Variants in SNTG2 observed in about 807,000 individuals in gnomAD.
The protein encoded by SNTG2 is syntrophin gamma 2.
SNTG2 carries 74 observed loss-of-function variants against 70.9 expected under a neutral mutation model. That is an observed-to-expected ratio of 1.04 (90% CI 0.86 to 1.27). SNTG2 has a LOEUF of 1.27. SNTG2 is among the 50% of genes most tolerant of loss of function. The pLI is 0.00. For synonymous variants in SNTG2, 278 were observed against 273.8 expected, an observed-to-expected ratio of 1.02 and a Z score of -0.15; for missense variants, 717 against 690.7, an observed-to-expected ratio of 1.04 and a Z score of -0.43.
intron 15 of SNTG2, among the ~76,000 whole-genome samples, chr2:1,313,905 G>C (rs962962459): frequency 1.1e-4 from 16 of 152,168 alleles, no homozygotes; most frequent in African/African-American, 3.6e-4. Context: ...GCCTCATGAG[G>C]AAGGGTTATT....
chr2:1,177,564 T>C (rs1199910689), intron 8 of SNTG2, among the ~76,000 whole-genome samples: 3 of 151,688 alleles, frequency 2.0e-5, no homozygotes, highest in Non-Finnish European at 4.4e-5. Flanking sequence ...AACTTCTTTC[T>C]CAACAAAAAC....
At chr2:1,092,932 G>A (rs1434054680) in intron 2 of SNTG2, among the ~76,000 whole-genome samples, 1 of 152,182 alleles carries the variant, frequency 6.6e-6, no homozygotes, top group Non-Finnish European at 1.5e-5. Context: ...TTTTATGAAA[G>A]ATTTTATCTG....
chr2:1,162,005 C>T (rs534902076), intron 6 of SNTG2, among the ~76,000 whole-genome samples: 22 of 129,012 alleles, frequency 1.7e-4, no homozygotes, highest in South Asian at 7.8e-4. Context: ...ACCCGGGAGG[C>T]GGAGCTTGCA....
In SNTG2 at chr2:1,080,617, CAT is replaced by C. The variant is rs931727384; in HGVS notation, c.73-2900_73-2899del. Among the ~76,000 whole-genome samples the C allele has an allele frequency of 1.9e-4, 24 of 128,950 alleles. No individual in the cohort carries two copies. The South Asian group carries it at 2.0e-3, about 11-fold the overall frequency. 84.6% of individuals were successfully genotyped at this position (128,950 alleles called of 152,430 possible). The stretch of plus-strand genomic sequence containing the variant: ...GTATGCATGTAGGCCATGTGTGTTG[CAT>C]GTGTGTGTGTGTCTGTGTGCCCGTG... On this transcript the variant is annotated intron_variant, in intron 1 of 16. Transcript: ENST00000308624.
At chr2:1,005,595 G>C (rs984458187) in intron 1 of SNTG2, among the ~76,000 whole-genome samples, 28 of 151,612 alleles carry the variant, frequency 1.8e-4, no homozygotes, top group African/African-American at 6.5e-4. Flanking sequence ...CCTGAGGTCA[G>C]GAGTTTGAGA....
intron 9 of SNTG2, among the ~76,000 whole-genome samples, chr2:1,222,260 G>A (rs910304841): frequency 3.6e-4 from 55 of 152,170 alleles, no homozygotes; most frequent in African/African-American, 1.3e-3. Flanking sequence ...GACTGTAAGG[G>A]ATTAGCGCCC....
At chr2:1,250,073 AG>A (rs1677663761) in intron 12 of SNTG2, among the ~76,000 whole-genome samples, 2 of 152,208 alleles carry the variant, frequency 1.3e-5, no homozygotes, top group Admixed American at 1.3e-4. Context: ...CTATGTGTCC[AG>A]GAAGGAACTG....
intron 4 of SNTG2, 123 bp from the exon 5 acceptor site, chr2:1,137,499 C>A: frequency 1.1e-6 from 1 of 929,548 alleles, no homozygotes; most frequent in Non-Finnish European, 1.7e-6. Context: ...CACGTGGACA[C>A]ATGCACACAC....
At chr2:960,434 G>A (rs956690607) in intron 1 of SNTG2, among the ~76,000 whole-genome samples, 81 of 152,176 alleles carry the variant, frequency 5.3e-4, no homozygotes, top group African/African-American at 1.9e-3. Context: ...TTTTCTCATC[G>A]GTGAGATTGG....
chr2:1,299,838 G>A lies in SNTG2; in HGVS notation c.1285-8656G>A, dbSNP rs958729638. 4.6e-5 allele frequency among the ~76,000 whole-genome samples: 7 copies of A among 152,332 alleles called. No homozygotes were observed. The South Asian group carries it at 1.2e-3, about 27-fold the overall frequency. The stretch of plus-strand genomic sequence containing the variant: ...TGTCATCTGTAAAATGAGGATGAAA[G>A]CACCATCTCGTGAGTTTACCATGAG... On this transcript the variant is annotated intron_variant, in intron 14 of 16. Transcript: ENST00000308624.
In SNTG2 at chr2:1,273,472, T is replaced by C. The variant is rs543651722; in HGVS notation, c.1284+5901T>C. Among the ~76,000 whole-genome samples, 9 of 152,196 alleles carry C rather than the reference T, an allele frequency of 5.9e-5. No individual in the cohort carries two copies. In the East Asian group the frequency reaches 1.5e-3, roughly 26 times the overall value. Reference sequence around the variant, plus strand: ...GATTCATTAATGCCTTTACCACTCCTACCGTACTATCAAGACAAGCACAGC... The same window carrying C: ...GATTCATTAATGCCTTTACCACTCCCACCGTACTATCAAGACAAGCACAGC... On this transcript the variant is annotated intron_variant, in intron 14 of 16. Coordinates refer to ENST00000308624, the MANE Select transcript of SNTG2 (RefSeq NM_018968.4).
At chr2:1,090,681 T>A (rs1029019449) in intron 2 of SNTG2, among the ~76,000 whole-genome samples, 20 of 152,252 alleles carry the variant, frequency 1.3e-4, no homozygotes, top group Non-Finnish European at 2.6e-4. Flanking sequence ...CCCTGATTCT[T>A]CCTTCGGGGT....
intron 1 of SNTG2, 111 bp from the exon 2 acceptor site, chr2:1,083,407 C>T: frequency 9.5e-7 from 1 of 1,051,558 alleles, no homozygotes; most frequent in South Asian, 1.4e-5. Flanking sequence ...CACACGCGAG[C>T]ACTACACGTG....
chr2:1,170,299 T>G (rs369771438), intron 7 of SNTG2, among the ~76,000 whole-genome samples: 2 of 152,236 alleles, frequency 1.3e-5, no homozygotes, highest in Non-Finnish European at 2.9e-5. Flanking sequence ...AATATTTCAC[T>G]ACGTTGTAGA....
At chr2:993,869 G>A (rs944226962) in intron 1 of SNTG2, among the ~76,000 whole-genome samples, 1 of 151,984 alleles carries the variant, frequency 6.6e-6, no homozygotes, top group African/African-American at 2.4e-5. Flanking sequence ...GGTTGTGAGT[G>A]TTTTAAAAAT....
At chr2:1,140,879 T>C (rs1320160762) in intron 6 of SNTG2, among the ~76,000 whole-genome samples, 2 of 152,244 alleles carry the variant, frequency 1.3e-5, no homozygotes, top group Non-Finnish European at 1.5e-5. Context: ...TTCACGGAGC[T>C]ACCCTTTTAA....
chr2:1,117,096 G>A (rs549901067), intron 4 of SNTG2, among the ~76,000 whole-genome samples: 1 of 151,378 alleles, frequency 6.6e-6, no homozygotes, highest in Non-Finnish European at 1.5e-5. Flanking sequence ...CCGGTGTACA[G>A]GTGCCCCGGT....
intron 1 of SNTG2, among the ~76,000 whole-genome samples, chr2:991,464 T>C (rs565902359): frequency 6.6e-6 from 1 of 151,772 alleles, no homozygotes; most frequent in South Asian, 2.1e-4. Context: ...TACCCACAAA[T>C]GGACCTTATC....
chr2:1,117,985 T>C (rs886547148), intron 4 of SNTG2, among the ~76,000 whole-genome samples: 1 of 152,126 alleles, frequency 6.6e-6, no homozygotes, highest in Non-Finnish European at 1.5e-5. Flanking sequence ...CCCAGGGCCA[T>C]GACAGTGCTA....
Sources: gnomAD v4.1 joint callset for allele counts (sites outside exome capture counted in the v4.1 genomes callset) on GRCh38, gnomAD v4.1.1 for gene constraint, MANE v1.5 for transcripts, NCBI Gene and HGNC (gene_info 2026-07-23, HGNC 2026-07-21) for gene names.